The following PPP1R12A variants were observed in gnomAD, a reference collection of about 807,000 sequenced individuals.
PPP1R12A encodes myosin binding subunit.
PPP1R12A carries 19 observed loss-of-function variants against 139.6 expected under a neutral mutation model. That is an observed-to-expected ratio of 0.14 (90% CI 0.09 to 0.20). The LOEUF (loss-of-function observed/expected upper bound fraction) is 0.20, where lower values mean the gene tolerates loss of function less well. Among genes scored for constraint, PPP1R12A ranks in the 10% least tolerant of loss-of-function variants. The pLI, the probability that PPP1R12A is intolerant of heterozygous loss-of-function variation, is 1.00. For missense variants in PPP1R12A, 925 were observed against 1,211.5 expected (o/e 0.76, Z 3.51); for synonymous variants, 427 against 420.6 (o/e 1.02, Z -0.19).
chr12:79,882,518 G>T (rs747060854), intron 1 of PPP1R12A, among the ~76,000 whole-genome samples: 2 of 152,172 alleles, frequency 1.3e-5, no homozygotes, highest in Non-Finnish European at 2.9e-5. Flanking sequence ...TATTTCTCAT[G>T]GACAAGCAAA....
chr12:79,889,772 T>C (rs999136407), intron 1 of PPP1R12A, among the ~76,000 whole-genome samples: 28 of 152,172 alleles, frequency 1.8e-4, no homozygotes, highest in African/African-American at 6.3e-4. Flanking sequence ...GGGGGACTTA[T>C]AAGCAGCAAA....
intron 1 of PPP1R12A, among the ~76,000 whole-genome samples, chr12:79,895,617 A>G (rs770230516): frequency 2.2e-4 from 33 of 152,150 alleles, no homozygotes; most frequent in Non-Finnish European, 4.1e-4. Flanking sequence ...AAGAGAACAG[A>G]CTGTATACAT....
At chr12:79,807,639 C>CA (rs919006419) in intron 11 of PPP1R12A, among the ~76,000 whole-genome samples, 16 of 149,876 alleles carry the variant, frequency 1.1e-4, no homozygotes, top group Admixed American at 2.0e-4. Flanking sequence ...TATGTGCCGA[C>CA]AAAAAAAATG....
Position 79,775,863 on chromosome 12 carries a change from A to G in PPP1R12A, c.*66T>C. The G allele has an allele frequency of 2.7e-6, 3 of 1,097,904 alleles. No individual in the cohort carries two copies. In the East Asian group the frequency reaches 8.2e-5, roughly 30 times the overall value. 68.0% of individuals were successfully genotyped at this position (1,097,904 alleles called of 1,614,324 possible). A position where few individuals can be genotyped will look rare whatever the true frequency, so the allele number is the denominator to read the frequency against. On this transcript the variant is annotated 3_prime_UTR_variant, in exon 25 of 25. Coordinates refer to ENST00000450142, the MANE Select transcript of PPP1R12A (RefSeq NM_002480.3). ...AAGGATTCTTCCCAGACTTCCAGTG[A>G]CTGCCAATTATGGTCCACTGGGTTA... is the stretch of plus-strand genomic sequence containing the variant.
intron 3 of PPP1R12A, among the ~76,000 whole-genome samples, chr12:79,834,114 T>C (rs1241170257): frequency 6.6e-6 from 1 of 152,078 alleles, no homozygotes; most frequent in Non-Finnish European, 1.5e-5. Context: ...TGGCAGAAGA[T>C]GATTCATTTG....
chr12:79,845,512 G>T (rs143537745), intron 2 of PPP1R12A, 92 bp from the exon 3 acceptor site: 1 of 942,418 alleles, frequency 1.1e-6, no homozygotes, highest in Non-Finnish European at 1.6e-6. Context: ...CCTATATAAA[G>T]CAGCAATAAA....
intron 2 of PPP1R12A, among the ~76,000 whole-genome samples, chr12:79,857,474 C>G (rs981995275): frequency 6.6e-6 from 1 of 151,602 alleles, no homozygotes; most frequent in Admixed American, 6.6e-5. Context: ...GGAGATATAC[C>G]TAATGCTAAA....
chr12:79,883,208 T>A (rs1883808522), intron 1 of PPP1R12A, among the ~76,000 whole-genome samples: 1 of 152,152 alleles, frequency 6.6e-6, no homozygotes, highest in South Asian at 2.1e-4. Context: ...TGAAGGCTCA[T>A]ATAATCACTA....
At chr12:79,794,966 G>A (rs192700757) in intron 18 of PPP1R12A, among the ~76,000 whole-genome samples, 64 of 147,060 alleles carry the variant, frequency 4.4e-4, no homozygotes, top group African/African-American at 1.4e-3. Flanking sequence ...AGGATGATAG[G>A]GATTGAGAGG....
At chr12:79,791,358 C>T (rs1033790572) in intron 19 of PPP1R12A, among the ~76,000 whole-genome samples, 7 of 152,118 alleles carry the variant, frequency 4.6e-5, no homozygotes, top group African/African-American at 9.7e-5. Flanking sequence ...GATGAGGTGT[C>T]GCTCTGTTTC....
intron 4 of PPP1R12A, among the ~76,000 whole-genome samples, chr12:79,830,346 G>GT (rs1877270895): frequency 6.6e-6 from 1 of 152,102 alleles, no homozygotes; most frequent in African/African-American, 2.4e-5. Context: ...TTCTATAACA[G>GT]TATGTAAGGA....
intron 19 of PPP1R12A, among the ~76,000 whole-genome samples, chr12:79,790,888 G>C (rs567591821): frequency 7.2e-5 from 11 of 152,156 alleles, no homozygotes; most frequent in African/African-American, 2.6e-4. Flanking sequence ...AGAATGGTTT[G>C]TTAAACTTCT....
At chr12:79,855,631 A>G (rs1238611391) in intron 2 of PPP1R12A, among the ~76,000 whole-genome samples, 8 of 152,090 alleles carry the variant, frequency 5.3e-5, no homozygotes, top group Admixed American at 1.3e-4. Flanking sequence ...TAGAAAGATA[A>G]TATTATGGAT....
At chr12:79,881,791 A>G (rs1883664214) in intron 1 of PPP1R12A, among the ~76,000 whole-genome samples, 1 of 152,210 alleles carries the variant, frequency 6.6e-6, no homozygotes, top group African/African-American at 2.4e-5. Flanking sequence ...TTCCACGGAC[A>G]GTTTGAATCT....
At chr12:79,886,459 T>C (rs936277692) in intron 1 of PPP1R12A, among the ~76,000 whole-genome samples, 9 of 152,136 alleles carry the variant, frequency 5.9e-5, no homozygotes, top group Admixed American at 2.6e-4. Context: ...ATCCACACAA[T>C]AATTAAATAT....
intron 1 of PPP1R12A, among the ~76,000 whole-genome samples, chr12:79,926,058 G>A (rs916562295): frequency 6.6e-6 from 1 of 152,088 alleles, no homozygotes. Context: ...ACTGCATCCA[G>A]CCTAGAGATT....
rs201358535 is a variant in PPP1R12A at position 79,934,817 on chromosome 12, C to T, written c.115G>A (p.Asp39Asn). The change falls in exon 1 of 25, where the codon GAC becomes AAC. Residue 39 changes from aspartate to asparagine, a missense_variant. Coordinates refer to ENST00000450142, the MANE Select transcript of PPP1R12A (RefSeq NM_002480.3). The stretch of plus-strand genomic sequence containing the variant: ...GCAGCCAGGAAGACGGCGCCATCGT[C>T]GAACTTCACCTTGGTCTTCTGGCGC... Reference protein sequence around the residue: ...VKRQKTKVKFDDGAVFLAACS... With the variant: ...VKRQKTKVKFNDGAVFLAACS... The T allele has an allele frequency of 1.2e-4, 198 of 1,605,464 alleles. 1 individual carries two copies. The South Asian group carries it at 1.7e-3, about 14-fold the overall frequency.
At chr12:79,848,014 T>A (rs1023652022) in intron 2 of PPP1R12A, among the ~76,000 whole-genome samples, 2 of 152,198 alleles carry the variant, frequency 1.3e-5, no homozygotes, top group African/African-American at 4.8e-5. Flanking sequence ...TTTGTATTGG[T>A]TGTTTTGTGT....
chr12:79,845,342 C>T lies in PPP1R12A; in HGVS notation c.447G>A (p.Glu149=), dbSNP rs761708838. ...CATTTTGAAGTAGCTCTTCCATTGC[C>T]TCCTCCTCCGCAATATCTAAAGGTG... ...GDTPLDIAEE[E]AMEELLQNEV... Residue 149 remains glutamate (E), a synonymous_variant, in exon 3 of 25, where the codon GAG becomes GAA. Transcript: ENST00000450142. The T allele has an allele frequency of 3.7e-5, 60 of 1,613,242 alleles. No homozygotes were observed. Among genetic ancestry groups the T allele is most frequent in the Non-Finnish European group, 4.8e-5 (57 of 1,179,510 alleles).
Sources: gnomAD v4.1 joint callset for allele counts (sites outside exome capture counted in the v4.1 genomes callset) on GRCh38, gnomAD v4.1.1 for gene constraint, MANE v1.5 for transcripts, NCBI Gene and HGNC (gene_info 2026-07-23, HGNC 2026-07-21) for gene names.